The following FSTL5 variants were observed in gnomAD, a reference collection of about 807,000 sequenced individuals.
FSTL5 encodes the protein follistatin like 5, also known as follistatin-related protein 5.
In FSTL5, 62 loss-of-function variants were observed where a neutral mutation model predicts 89.1. The ratio of observed to expected loss-of-function variants is 0.70; its 90% CI spans 0.57 to 0.86. FSTL5 has a LOEUF of 0.86. FSTL5 is among the 40% of genes least tolerant of loss of function. The pLI, the probability that FSTL5 is intolerant of heterozygous loss-of-function variation, is 0.00. For missense variants in FSTL5, 1,057 were observed against 1,001.6 expected, an observed-to-expected ratio of 1.06 and a Z score of -0.75; for synonymous variants, 383 against 346.2, an observed-to-expected ratio of 1.11 and a Z score of -1.18.
intron 2 of FSTL5, among the ~76,000 whole-genome samples, chr4:162,097,408 AG>A (rs1296731595): frequency 9.9e-5 from 15 of 151,798 alleles, no homozygotes; most frequent in African/African-American, 3.6e-4. Flanking sequence ...TGTAACTTGT[AG>A]CAAGTTATAA....
In FSTL5 at chr4:161,454,450, AAC is replaced by A. The variant is rs139603644; in HGVS notation, c.1841+552_1841+553del. Among the ~76,000 whole-genome samples, 1,402 of 152,310 alleles carry A rather than the reference AAC, an allele frequency of 9.2e-3. 5 individuals carry two copies. Among genetic ancestry groups the A allele is most frequent in the Non-Finnish European group, 0.016 (1,067 of 68,014 alleles). The stretch of plus-strand genomic sequence containing the variant: ...CTCTTGTAAATACATCAAGAGATAA[AAC>A]ACACTAACATCTTTTCTCAAAGTGC... On this transcript the variant is annotated intron_variant, in intron 15 of 15. Transcript: ENST00000306100.
intron 1 of FSTL5, among the ~76,000 whole-genome samples, chr4:162,144,790 T>A (rs1193372541): frequency 6.6e-6 from 1 of 152,090 alleles, no homozygotes; most frequent in Non-Finnish European, 1.5e-5. Context: ...TTTTTTTAAT[T>A]TGTTATTTGT....
At position 161,513,272 on chromosome 4, in the gene FSTL5, G is replaced by GGAGAGAGAGAGAGAGAGA. The variant is rs6148753; in HGVS notation, c.1313-2866_1313-2849dup. Among the ~76,000 whole-genome samples, 296 of 109,980 alleles carry GGAGAGAGAGAGAGAGAGA rather than the reference G, an allele frequency of 2.7e-3. 34 individuals are homozygous for GGAGAGAGAGAGAGAGAGA. The highest frequency in any genetic ancestry group is 0.016 in the Middle Eastern group (3 of 190). 72.2% of individuals were successfully genotyped at this position (109,980 alleles called of 152,430 possible). A position where few individuals can be genotyped will look rare whatever the true frequency, so the allele number is the denominator to read the frequency against. Reference sequence around the variant, plus strand: ...ACTGAACTGAACCAAACAAGGAGGGGGAGAGAGAGAGAGAGAGAGAGAGAG... The same window carrying GGAGAGAGAGAGAGAGAGA: ...ACTGAACTGAACCAAACAAGGAGGGGGAGAGAGAGAGAGAGAGAGAGAGAGAGAGAGAGAGAGAGAGAG... On this transcript the variant is annotated intron_variant, in intron 10 of 15. Transcript: ENST00000306100.
At chr4:162,123,892 G>T (rs1008260860) in intron 1 of FSTL5, among the ~76,000 whole-genome samples, 2 of 151,310 alleles carry the variant, frequency 1.3e-5, no homozygotes, top group Non-Finnish European at 2.9e-5. Context: ...GAAGAAAGGT[G>T]AAAAGAAAGC....
At chr4:161,764,812 CTAAAG>C (rs932348206) in intron 5 of FSTL5, among the ~76,000 whole-genome samples, 6 of 152,086 alleles carry the variant, frequency 3.9e-5, no homozygotes, top group African/African-American at 7.2e-5. Context: ...TCTTGACCAT[CTAAAG>C]TAAAGATACT....
chr4:161,493,403 T>C (rs148317807), intron 12 of FSTL5, among the ~76,000 whole-genome samples: 1,887 of 151,768 alleles, frequency 0.012, 15 homozygotes, highest in Non-Finnish European at 0.019. Context: ...GAACTAGACA[T>C]AGGGGGACAT....
At chr4:161,808,927 C>G (rs1166058908) in intron 4 of FSTL5, among the ~76,000 whole-genome samples, 1 of 151,998 alleles carries the variant, frequency 6.6e-6, no homozygotes, top group Non-Finnish European at 1.5e-5. Context: ...ATTAAAGAAA[C>G]GTAAATCATG....
intron 1 of FSTL5, among the ~76,000 whole-genome samples, chr4:162,155,604 C>T (rs1733436371): frequency 6.6e-6 from 1 of 152,184 alleles, no homozygotes; most frequent in Admixed American, 6.6e-5. Flanking sequence ...GTGACACTGA[C>T]ATGACATTTA....
intron 4 of FSTL5, among the ~76,000 whole-genome samples, chr4:161,894,976 ACAT>A (rs1211133917): frequency 1.3e-5 from 2 of 152,230 alleles, no homozygotes; most frequent in Non-Finnish European, 2.9e-5. Context: ...GCTATCATAC[ACAT>A]GCTACTTATT....
At chr4:161,934,240 G>T (rs138893518) in intron 3 of FSTL5, among the ~76,000 whole-genome samples, 26 of 152,120 alleles carry the variant, frequency 1.7e-4, no homozygotes, top group African/African-American at 5.1e-4. Flanking sequence ...TCCTATCAAT[G>T]TTTATAGTTC....
intron 7 of FSTL5, among the ~76,000 whole-genome samples, chr4:161,642,528 G>A (rs760242200): frequency 6.6e-5 from 10 of 151,998 alleles, no homozygotes; most frequent in Non-Finnish European, 1.3e-4. Flanking sequence ...ACAGCAAGAT[G>A]GATATACAAA....
chr4:161,693,530 C>T (rs1479091459), intron 6 of FSTL5, among the ~76,000 whole-genome samples: 1 of 151,596 alleles, frequency 6.6e-6, no homozygotes. Context: ...ATTTTGTTTC[C>T]TCTTGAGTCA....
In FSTL5 at chr4:161,794,319, A is replaced by G. The variant is rs74940329; in HGVS notation, c.410-18245T>C. The stretch of plus-strand genomic sequence containing the variant: ...ATATGTTGACTCAGGTCATTTCCCT[A>G]TAAGAGGAAAAGCTGAGACTTGACA... On this transcript the variant is annotated intron_variant, in intron 4 of 15. Coordinates refer to ENST00000306100, the MANE Select transcript of FSTL5 (RefSeq NM_020116.5). Among the ~76,000 whole-genome samples the G allele has an allele frequency of 4.9e-3, 739 of 152,232 alleles. 4 individuals are homozygous for G. The highest frequency in any genetic ancestry group is 0.017 in the African/African-American group (703 of 41,546).
intron 4 of FSTL5, among the ~76,000 whole-genome samples, chr4:161,913,977 C>G (rs778968365): frequency 2.6e-5 from 4 of 152,042 alleles, no homozygotes; most frequent in Non-Finnish European, 5.9e-5. Flanking sequence ...TTAGTTAAAA[C>G]TTCGGGGGAC....
rs138054154 is a variant in FSTL5 at position 161,739,547 on chromosome 4, T to A, written c.727+19864A>T. 5.4e-4 allele frequency among the ~76,000 whole-genome samples: 83 copies of A among 152,302 alleles called. No individual in the cohort carries two copies. In the East Asian group the frequency reaches 0.011, roughly 20 times the overall value. ...TTTAGAACATTTGTAGAACTGCACA[T>A]TTTCTACACACTGAATCAAATATTT... On this transcript the variant is annotated intron_variant, in intron 6 of 15. Transcript: ENST00000306100.
chr4:161,921,984 T>C (rs569489045), intron 3 of FSTL5, among the ~76,000 whole-genome samples: 12 of 152,232 alleles, frequency 7.9e-5, no homozygotes, highest in African/African-American at 2.9e-4. Flanking sequence ...ATCAATTTTG[T>C]TCTTTTGTAA....
intron 3 of FSTL5, among the ~76,000 whole-genome samples, chr4:162,020,502 T>C (rs1012044340): frequency 1.3e-4 from 20 of 152,118 alleles, no homozygotes; most frequent in African/African-American, 4.6e-4. Flanking sequence ...CTTCTGTAGA[T>C]AACCATAGTT....
intron 2 of FSTL5, among the ~76,000 whole-genome samples, chr4:162,088,008 T>A (rs1405897357): frequency 6.6e-6 from 1 of 152,152 alleles, no homozygotes; most frequent in Admixed American, 6.6e-5. Flanking sequence ...AGGGAAATAT[T>A]CAAAAAATAA....
At chr4:161,479,736 T>G (rs1420473730) in intron 13 of FSTL5, among the ~76,000 whole-genome samples, 2 of 152,186 alleles carry the variant, frequency 1.3e-5, no homozygotes, top group Non-Finnish European at 2.9e-5. Context: ...AATAACTTCT[T>G]CCTTTTACTC....
Sources: gnomAD v4.1 joint callset for allele counts (sites outside exome capture counted in the v4.1 genomes callset) on GRCh38, gnomAD v4.1.1 for gene constraint, MANE v1.5 for transcripts, NCBI Gene and HGNC (gene_info 2026-07-23, HGNC 2026-07-21) for gene names.